The following NCALD variants were observed in gnomAD, a reference collection of about 807,000 sequenced individuals.
NCALD encodes the protein neurocalcin delta.
Under a neutral mutation model 18.6 loss-of-function variants are expected in NCALD, and 10 were observed. That is an observed-to-expected ratio of 0.54 (90% confidence interval 0.33 to 0.91). The LOEUF (loss-of-function observed/expected upper bound fraction) is 0.91. Among genes scored for constraint, NCALD ranks in the 40% least tolerant of loss-of-function variants. The pLI, the probability that NCALD is intolerant of heterozygous loss-of-function variation, is 0.03. For missense variants in NCALD, 184 were observed against 247.6 expected, an observed-to-expected ratio of 0.74 and a Z score of 1.72; for synonymous variants, 88 against 87.4, an observed-to-expected ratio of 1.01 and a Z score of -0.04.
At chr8:101,868,597 T>C (rs1815874565) in intron 4 of NCALD, among the ~76,000 whole-genome samples, 3 of 152,178 alleles carry the variant, frequency 2.0e-5, no homozygotes, top group Admixed American at 1.3e-4. Context: ...CATAGGAGCA[T>C]AATTTTGTGA....
At chr8:101,822,295 T>C (rs1893366) in intron 4 of NCALD, among the ~76,000 whole-genome samples, 120,887 of 152,092 alleles carry the variant, frequency 0.79, 48,201 homozygotes, top group African/African-American at 0.85. Context: ...TGAACATTTA[T>C]TCATTCACAG....
At chr8:101,941,735 G>T (rs1818964753) in intron 2 of NCALD, among the ~76,000 whole-genome samples, 1 of 152,128 alleles carries the variant, frequency 6.6e-6, no homozygotes, top group South Asian at 2.1e-4. Context: ...AGGCTGACAT[G>T]GGGTATTAAC....
intron 4 of NCALD, among the ~76,000 whole-genome samples, chr8:101,838,957 G>A (rs1016781637): frequency 6.6e-6 from 1 of 152,170 alleles, no homozygotes; most frequent in Non-Finnish European, 1.5e-5. Flanking sequence ...CATTTATAGG[G>A]TTATGTTTCA....
chr8:101,735,611 C>T (rs7838467), intron 1 of NCALD, among the ~76,000 whole-genome samples: 18,784 of 152,184 alleles, frequency 0.12, 1,685 homozygotes, highest in East Asian at 0.32. Flanking sequence ...GGCATACTTA[C>T]ACAAAAAATC....
chr8:101,699,781 G>A (rs1250992773), intron 2 of NCALD, among the ~76,000 whole-genome samples: 3 of 152,062 alleles, frequency 2.0e-5, no homozygotes, highest in Non-Finnish European at 4.4e-5. Context: ...TCAAGGGGAG[G>A]GAGAGCATTA....
At chr8:101,951,556 C>T (rs749680886) in intron 2 of NCALD, among the ~76,000 whole-genome samples, 11 of 152,148 alleles carry the variant, frequency 7.2e-5, no homozygotes, top group Non-Finnish European at 1.5e-4. Context: ...CTGGGTTTGA[C>T]GAGGCCCCGT....
chr8:101,939,543 C>T (rs1229112961), intron 2 of NCALD, among the ~76,000 whole-genome samples: 4 of 152,142 alleles, frequency 2.6e-5, no homozygotes, highest in Non-Finnish European at 5.9e-5. Flanking sequence ...AGTAGCTTAA[C>T]TTTTCTTCTT....
chr8:101,794,937 T>C (rs924290697), upstream of NCALD, among the ~76,000 whole-genome samples: 2 of 152,260 alleles, frequency 1.3e-5, no homozygotes, highest in Non-Finnish European at 2.9e-5. Flanking sequence ...GGCCAACTTG[T>C]CTTTTCTTCA....
chr8:101,962,999 G>A (rs1819891150), intron 2 of NCALD, among the ~76,000 whole-genome samples: 1 of 152,070 alleles, frequency 6.6e-6, no homozygotes, highest in Non-Finnish European at 1.5e-5. Context: ...TGAAGGGGAA[G>A]AGCCCTGATT....
At chr8:101,717,289 G>A (rs1816131343) in intron 2 of NCALD, among the ~76,000 whole-genome samples, 1 of 152,176 alleles carries the variant, frequency 6.6e-6, no homozygotes, top group Non-Finnish European at 1.5e-5. Context: ...TCAGGGAAGA[G>A]CAACTAGAAA....
At chr8:101,839,825 C>T (rs564388434) in intron 4 of NCALD, among the ~76,000 whole-genome samples, 42 of 151,706 alleles carry the variant, frequency 2.8e-4, no homozygotes, top group Middle Eastern at 3.4e-3. Context: ...CGCTGAAGTC[C>T]CTGAGAGGGA....
chr8:102,121,839 A>G (rs1825953909), intron 1 of NCALD, among the ~76,000 whole-genome samples: 1 of 152,086 alleles, frequency 6.6e-6, no homozygotes, highest in Admixed American at 6.5e-5. Context: ...GTATTTCCCA[A>G]GGTTTTTTAT....
At chr8:101,758,572 A>G (rs748244237) in intron 1 of NCALD, among the ~76,000 whole-genome samples, 76 of 152,300 alleles carry the variant, frequency 5.0e-4, no homozygotes, top group East Asian at 1.9e-3. Context: ...ATTTAACCCT[A>G]TATGTCTGTC....
At chr8:101,746,776 T>C (rs936281283) in intron 1 of NCALD, among the ~76,000 whole-genome samples, 2 of 151,954 alleles carry the variant, frequency 1.3e-5, no homozygotes, top group African/African-American at 4.8e-5. Flanking sequence ...AATGTAAATT[T>C]TACATAGATA....
At position 101,788,164 on chromosome 8, in the gene NCALD, G is replaced by A. The variant is rs79691808; in HGVS notation, c.-20+2698C>T. ...CACTCGAAGAATAAAATCCGATGCG[G>A]TGGAACCGAATGTGGAAATGGGGTG... On this transcript the variant is annotated intron_variant, in intron 1 of 3. Transcript: ENST00000220931. 7.6e-3 allele frequency among the ~76,000 whole-genome samples: 1,150 copies of A among 152,302 alleles called. 8 individuals are homozygous for A. Among genetic ancestry groups the A allele is most frequent in the Middle Eastern group, 0.041 (12 of 294 alleles).
intron 1 of NCALD, among the ~76,000 whole-genome samples, chr8:102,051,741 C>T (rs1166482886): frequency 1.3e-5 from 2 of 152,196 alleles, no homozygotes; most frequent in Non-Finnish European, 2.9e-5. Context: ...ACCCTTTCAG[C>T]TCATGACCAA....
intron 4 of NCALD, among the ~76,000 whole-genome samples, chr8:101,827,438 T>C (rs890884046): frequency 1.6e-4 from 24 of 152,222 alleles, no homozygotes; most frequent in African/African-American, 5.5e-4. Context: ...CTACTATAAC[T>C]ATCCAAAGCC....
intron 3 of NCALD, chr8:101,691,094 C>A (rs2129940837): frequency 2.0e-6 from 2 of 985,390 alleles, no homozygotes; most frequent in East Asian, 2.3e-4. Flanking sequence ...TAGGTGAGGA[C>A]TGCTCTGCTC....
chr8:102,001,423 G>C (rs1477102514), intron 2 of NCALD, among the ~76,000 whole-genome samples: 7 of 152,212 alleles, frequency 4.6e-5, no homozygotes, highest in Non-Finnish European at 8.8e-5. Flanking sequence ...AAGTGATGGG[G>C]AGAATGGAAC....
Sources: allele counts gnomAD v4.1 joint callset (sites outside exome capture counted in the v4.1 genomes callset), GRCh38; gene constraint gnomAD v4.1.1; transcripts MANE v1.5; gene names NCBI Gene and HGNC (gene_info 2026-07-23, HGNC 2026-07-21).